RASEF: variants seen among roughly 807,000 people sequenced by gnomAD.
RASEF encodes RAS and EF-hand domain containing.
Under a neutral mutation model 90.1 loss-of-function variants are expected in RASEF, and 68 were observed. That is an observed-to-expected ratio of 0.75 (90% CI 0.62 to 0.92). The LOEUF (loss-of-function observed/expected upper bound fraction) is 0.92. Among genes scored for constraint, RASEF ranks in the 40% least tolerant of loss-of-function variants. The pLI is 0.00. For synonymous variants in RASEF, 331 were observed against 345.2 expected (o/e 0.96, Z 0.46); for missense variants, 949 against 937.2 (o/e 1.01, Z -0.16).
At position 83,004,606 on chromosome 9, in the gene RASEF, ATT is replaced by A; in HGVS notation, c.1114-22_1114-21del. 1.4e-6 allele frequency: 2 copies of A among 1,394,820 alleles called. No homozygotes were observed. The highest frequency in any genetic ancestry group is 2.0e-6 in the Non-Finnish European group (2 of 980,748). 86.4% of individuals were successfully genotyped at this position (1,394,820 alleles called of 1,614,324 possible). A position where few individuals can be genotyped will look rare whatever the true frequency, so the allele number is the denominator to read the frequency against. On this transcript the variant is annotated intron_variant, in intron 8 of 16. Transcript: ENST00000376447. Reference sequence around the variant, plus strand: ...TATATGCTGTAATATAGAAGTAATCATTTGTTAGTTCATGTAATTTTCATGTA... The same window carrying A: ...TATATGCTGTAATATAGAAGTAATCATGTTAGTTCATGTAATTTTCATGTA...
intron 1 of RASEF, chr9:83,048,751 T>C (rs554002285): frequency 4.1e-6 from 4 of 984,342 alleles, no homozygotes; most frequent in East Asian, 2.3e-4. Flanking sequence ...GAAACACTTA[T>C]GTTTTCCGTC....
chr9:83,123,321 G>A, the RASEF span, among the ~76,000 whole-genome samples: 3 of 150,712 alleles, frequency 2.0e-5, no homozygotes, highest in Non-Finnish European at 2.9e-5. Context: ...TCTATAAGCT[G>A]TCCTAAAGAC....
chr9:83,134,455 T>C, the RASEF span, among the ~76,000 whole-genome samples: 8 of 142,916 alleles, frequency 5.6e-5, no homozygotes, highest in African/African-American at 2.1e-4. Flanking sequence ...CACACATATA[T>C]ATATATCAGA....
At chr9:83,055,435 C>T (rs956890001) in intron 1 of RASEF, 7 of 619,750 alleles carry the variant, frequency 1.1e-5, no homozygotes, top group East Asian at 3.0e-5. Flanking sequence ...CTGGCCTGCG[C>T]CCACTGTCTC....
the RASEF span, among the ~76,000 whole-genome samples, chr9:83,190,936 G>A: frequency 6.6e-6 from 1 of 152,126 alleles, no homozygotes; most frequent in African/African-American, 2.4e-5. Context: ...TTTTGGAAAC[G>A]CTAGGATTAT....
the RASEF span, among the ~76,000 whole-genome samples, chr9:83,090,381 C>A: frequency 2.6e-5 from 4 of 151,492 alleles, no homozygotes; most frequent in African/African-American, 9.7e-5. Context: ...TGACTGCTTT[C>A]TTTCCCCTGT....
At chr9:82,990,344 T>C (rs755514205) in intron 16 of RASEF, 47 bp downstream of exon 16, 3 of 1,314,084 alleles carry the variant, frequency 2.3e-6, no homozygotes, top group Admixed American at 1.7e-5. Context: ...ATGTGTCATA[T>C]GCAACAAGCG....
the RASEF span, among the ~76,000 whole-genome samples, chr9:83,157,321 T>A: frequency 6.6e-6 from 1 of 152,240 alleles, no homozygotes; most frequent in East Asian, 1.9e-4. Flanking sequence ...TCAAAATCCA[T>A]GTGTTGGAAA....
chr9:83,037,770 A>T (rs73469481), intron 1 of RASEF, among the ~76,000 whole-genome samples: 4,265 of 133,928 alleles, frequency 0.032, 192 homozygotes, highest in African/African-American at 0.11. Context: ...TTTGTAAACT[A>T]GTCTTCTAAG....
At chr9:83,121,221 A>G in the RASEF span, among the ~76,000 whole-genome samples, 6 of 152,202 alleles carry the variant, frequency 3.9e-5, no homozygotes, top group African/African-American at 1.4e-4. Context: ...ATATATCAAC[A>G]TATGTAAATA....
the RASEF span, among the ~76,000 whole-genome samples, chr9:83,176,321 G>A: frequency 3.9e-5 from 6 of 152,156 alleles, no homozygotes; most frequent in South Asian, 1.2e-3. Flanking sequence ...TAGCTTTCTT[G>A]TGATTATAGT....
At chr9:83,130,924 A>G in the RASEF span, among the ~76,000 whole-genome samples, 5 of 152,358 alleles carry the variant, frequency 3.3e-5, no homozygotes, top group Admixed American at 3.3e-4. Flanking sequence ...TATTTGTTGA[A>G]GGCTTACCAT....
chr9:83,038,901 G>C (rs1829789708), intron 1 of RASEF, among the ~76,000 whole-genome samples: 1 of 152,020 alleles, frequency 6.6e-6, no homozygotes, highest in South Asian at 2.1e-4. Flanking sequence ...TCCATCCTTA[G>C]GTGCTCAGTG....
the RASEF span, among the ~76,000 whole-genome samples, chr9:83,176,922 A>G: frequency 6.6e-6 from 1 of 152,092 alleles, no homozygotes; most frequent in South Asian, 2.1e-4. Context: ...GTACGTATTC[A>G]TAGTATTTAT....
intron 1 of RASEF, among the ~76,000 whole-genome samples, chr9:83,029,334 T>C (rs1408652249): frequency 6.6e-6 from 1 of 151,650 alleles, no homozygotes; most frequent in Non-Finnish European, 1.5e-5. Flanking sequence ...CTCTGAAGCT[T>C]AGTTAAGCCT....
chr9:83,105,814 G>C, the RASEF span, among the ~76,000 whole-genome samples: 8 of 152,112 alleles, frequency 5.3e-5, no homozygotes, highest in African/African-American at 1.9e-4. Context: ...CAGGAATTTT[G>C]GTTATAAGAC....
intron 1 of RASEF, chr9:83,055,620 T>A (rs527287539): frequency 1.4e-6 from 1 of 718,128 alleles, no homozygotes; most frequent in East Asian, 2.7e-5. Context: ...CCCATGACAA[T>A]GCACACAGTG....
chr9:83,071,601 T>C, the RASEF span, among the ~76,000 whole-genome samples: 3 of 151,780 alleles, frequency 2.0e-5, no homozygotes, highest in Non-Finnish European at 4.4e-5. Context: ...AGATGGGGGG[T>C]TTCATCATTG....
At chr9:83,141,399 T>C in the RASEF span, among the ~76,000 whole-genome samples, 8 of 152,218 alleles carry the variant, frequency 5.3e-5, no homozygotes, top group African/African-American at 1.2e-4. Flanking sequence ...TCAGTTGTCA[T>C]TGACATCCTT....
Sources: gnomAD v4.1 joint callset for allele counts (sites outside exome capture counted in the v4.1 genomes callset) on GRCh38, gnomAD v4.1.1 for gene constraint, MANE v1.5 for transcripts, NCBI Gene and HGNC (gene_info 2026-07-23, HGNC 2026-07-21) for gene names.